USH2A: variants seen among roughly 807,000 people sequenced by gnomAD.
The protein encoded by USH2A is usherin.
USH2A carries 443 observed loss-of-function variants against 538.9 expected under a neutral mutation model. That is an observed-to-expected ratio of 0.82 (90% CI 0.76 to 0.89). The LOEUF (loss-of-function observed/expected upper bound fraction) is 0.89, where lower values mean the gene tolerates loss of function less well. Ranked by LOEUF, USH2A falls within the 40% of genes least tolerant of loss-of-function variation. The pLI is 0.00. For synonymous variants in USH2A, 2,413 were observed against 2,273.5 expected, an observed-to-expected ratio of 1.06 and a Z score of -1.75; for missense variants, 6,633 against 6,324.8, an observed-to-expected ratio of 1.05 and a Z score of -1.65.
chr1:216,181,677 C>T (rs758062933), intron 20 of USH2A, among the ~76,000 whole-genome samples: 2 of 152,074 alleles, frequency 1.3e-5, no homozygotes, highest in South Asian at 2.1e-4. Flanking sequence ...TCCCTAAAGT[C>T]CACCACTAAT....
Position 216,373,068 on chromosome 1 carries a change from C to T in USH2A, c.652-7983G>A, listed in dbSNP as rs189201489. On this transcript the variant is annotated intron_variant, in intron 3 of 71. Transcript: ENST00000307340. ...TTTATAAAGAAAACTGCTCTTCATA[C>T]TCTCACTAAAATCCAATCACTTGTT... is the stretch of plus-strand genomic sequence containing the variant. Among the ~76,000 whole-genome samples, 38 of 152,216 alleles carry T rather than the reference C, an allele frequency of 2.5e-4. No individual in the cohort carries two copies. In the South Asian group the frequency reaches 3.3e-3, roughly 13 times the overall value.
chr1:215,757,369 C>G (rs1660843622), intron 58 of USH2A, among the ~76,000 whole-genome samples: 2 of 152,136 alleles, frequency 1.3e-5, no homozygotes, highest in South Asian at 2.1e-4. Context: ...TCTTTACGCT[C>G]TCTTTATAGC....
At chr1:216,049,243 C>T (rs975490412) in intron 30 of USH2A, among the ~76,000 whole-genome samples, 7 of 152,106 alleles carry the variant, frequency 4.6e-5, no homozygotes, top group African/African-American at 1.7e-4. Flanking sequence ...TGCTTTTGTA[C>T]TTCTACTTGC....
chr1:215,671,344 T>C (rs374534503), intron 63 of USH2A, 51 bp from the exon 64 acceptor site: 62 of 1,586,578 alleles, frequency 3.9e-5, no homozygotes, highest in Admixed American at 1.7e-4. Flanking sequence ...TAGATTTTCA[T>C]GGGAAGAATC....
chr1:215,961,151 AATAGAT>A (rs903884011), intron 37 of USH2A, among the ~76,000 whole-genome samples: 42 of 152,188 alleles, frequency 2.8e-4, no homozygotes, highest in African/African-American at 9.4e-4. Context: ...ACGATCATCT[AATAGAT>A]ATAAACATTT....
At chr1:215,745,266 G>A (rs1660439629) in intron 58 of USH2A, among the ~76,000 whole-genome samples, 1 of 152,062 alleles carries the variant, frequency 6.6e-6, no homozygotes, top group African/African-American at 2.4e-5. Flanking sequence ...CAGCAACAAG[G>A]AGACTTTGCA....
At position 215,782,873 on chromosome 1, in the gene USH2A, G is replaced by T. The variant is rs111033379; in HGVS notation, c.10450C>A (p.Arg3484=). 3.1e-6 allele frequency: 5 copies of T among 1,613,630 alleles called. No individual in the cohort carries two copies. In the African/African-American group the frequency reaches 6.7e-5, roughly 22 times the overall value. ...GCTCTCACAGCTTTGCTGAGTCCTC[G>T]CCCATAGCTGTTCCAGGCAGAAATC... is the stretch of plus-strand genomic sequence containing the variant. ...YRISAWNSYG[R]GLSKAVRART... Residue 3484 remains arginine (R), a synonymous_variant, in exon 53 of 72, where the codon CGA becomes AGA. Coordinates refer to ENST00000307340, the MANE Select transcript of USH2A (RefSeq NM_206933.4).
At chr1:215,828,004 T>G (rs1184750104) in intron 47 of USH2A, among the ~76,000 whole-genome samples, 1 of 152,168 alleles carries the variant, frequency 6.6e-6, no homozygotes, top group African/African-American at 2.4e-5. Context: ...AAATCAAGGA[T>G]AGAAGAGATT....
intron 71 of USH2A, 112 bp from the exon 72 acceptor site, chr1:215,625,982 T>TCAATAG: frequency 9.4e-7 from 1 of 1,066,628 alleles, no homozygotes. Context: ...AAAGGCTTTT[T>TCAATAG]TATTCTCAAC....
At chr1:215,803,898 A>G (rs1466338721) in intron 49 of USH2A, among the ~76,000 whole-genome samples, 1 of 152,230 alleles carries the variant, frequency 6.6e-6, no homozygotes, top group Non-Finnish European at 1.5e-5. Context: ...ACAAGGCTAC[A>G]GTAACCAAAA....
At chr1:216,070,056 A>G (rs752667270) in intron 30 of USH2A, 45 bp downstream of exon 30, 2 of 1,604,582 alleles carry the variant, frequency 1.2e-6, no homozygotes, top group Non-Finnish European at 1.7e-6. Flanking sequence ...AATGCAAACA[A>G]AAAGGAAGTT....
chr1:216,067,351 C>A (rs1193077213), intron 30 of USH2A, among the ~76,000 whole-genome samples: 1 of 151,630 alleles, frequency 6.6e-6, no homozygotes, highest in Non-Finnish European at 1.5e-5. Context: ...GCCACCCTGG[C>A]ACATGTATAC....
At chr1:215,968,223 G>A (rs992985782) in intron 36 of USH2A, among the ~76,000 whole-genome samples, 4 of 151,912 alleles carry the variant, frequency 2.6e-5, no homozygotes, top group African/African-American at 9.7e-5. Flanking sequence ...TAAAAATTAG[G>A]TTCAAAGGCT....
rs1212809915 is a variant in USH2A, at chr1:215,836,556, TATA to T, written c.9371+1432_9371+1434del. 5.7e-4 allele frequency among the ~76,000 whole-genome samples: 11 copies of T among 19,408 alleles called. No homozygotes were observed. In the East Asian group the frequency reaches 0.034, roughly 59 times the overall value. 12.7% of individuals were successfully genotyped at this position (19,408 alleles called of 152,430 possible). On this transcript the variant is annotated intron_variant, in intron 47 of 71. Transcript: ENST00000307340. Reference sequence around the variant, plus strand: ...TATATATATATAATATATATATATATATATATATATTTTTTTTTGAGACAGAGT... The same window carrying T: ...TATATATATATAATATATATATATATTATATATTTTTTTTTGAGACAGAGT...
At chr1:216,237,939 C>T (rs910849879) in intron 13 of USH2A, among the ~76,000 whole-genome samples, 10 of 152,078 alleles carry the variant, frequency 6.6e-5, no homozygotes, top group Non-Finnish European at 1.2e-4. Flanking sequence ...CTGTGAAAAA[C>T]ATGTTAACCT....
intron 40 of USH2A, among the ~76,000 whole-genome samples, chr1:215,891,310 T>C (rs2102462566): frequency 6.6e-6 from 1 of 152,332 alleles, no homozygotes; most frequent in East Asian, 1.9e-4. Context: ...CTGCTCTTGT[T>C]GCAGAAGGGT....
rs562216335 is a variant in USH2A at position 215,695,422 on chromosome 1, C to T, written c.12067-15046G>A. Among the ~76,000 whole-genome samples the T allele has an allele frequency of 5.9e-5, 9 of 152,110 alleles. 1 individual carries two copies. Among genetic ancestry groups the T allele is most frequent in the African/African-American group, 2.2e-4 (9 of 41,502 alleles). On this transcript the variant is annotated intron_variant, in intron 61 of 71. Transcript: ENST00000307340. ...TAACTACCTAAAAGGTCCACAGAAT[C>T]TAAAAATAAACAATTATAGAGTTCA...
Position 215,644,310 on chromosome 1 carries a change from C to T in USH2A, c.14791+3212G>A, listed in dbSNP as rs73087456. 2.1e-3 allele frequency among the ~76,000 whole-genome samples: 320 copies of T among 152,184 alleles called. 3 individuals are homozygous for T. Among genetic ancestry groups the T allele is most frequent in the African/African-American group, 7.5e-3 (311 of 41,514 alleles). On this transcript the variant is annotated intron_variant, in intron 67 of 71. Coordinates refer to ENST00000307340, the MANE Select transcript of USH2A (RefSeq NM_206933.4). ...CAATGTAAGCTGGTTATGAGAAATT[C>T]AGAGGGAGATGTCTGTGAGGAATCT...
chr1:216,298,333 T>C (rs114562282), intron 9 of USH2A, among the ~76,000 whole-genome samples: 1,676 of 152,308 alleles, frequency 0.011, 29 homozygotes, highest in East Asian at 0.036. Context: ...TTGCTATTTC[T>C]AGGAAGACAT....
Sources: allele counts gnomAD v4.1 joint callset (sites outside exome capture counted in the v4.1 genomes callset), GRCh38; gene constraint gnomAD v4.1.1; transcripts MANE v1.5; gene names NCBI Gene and HGNC (gene_info 2026-07-23, HGNC 2026-07-21).